Variants in FAR2 observed in about 807,000 individuals in gnomAD.
The protein encoded by FAR2 is fatty acyl-CoA reductase 2, also known as epididymis secretory protein Li 81.
In FAR2, 19 loss-of-function variants were observed where a neutral mutation model predicts 56.0. The ratio of observed to expected loss-of-function variants is 0.34; its 90% CI spans 0.24 to 0.50. FAR2 has a LOEUF of 0.50. Among genes scored for constraint, FAR2 ranks in the 20% least tolerant of loss-of-function variants. The pLI, the probability that FAR2 is intolerant of heterozygous loss-of-function variation, is 0.98. For synonymous variants in FAR2, 219 were observed against 218.8 expected, an observed-to-expected ratio of 1.00 and a Z score of -0.01; for missense variants, 508 against 642.2, an observed-to-expected ratio of 0.79 and a Z score of 2.26.
intron 1 of FAR2, among the ~76,000 whole-genome samples, chr12:29,187,312 G>C (rs1056016695): frequency 6.6e-6 from 1 of 151,840 alleles, no homozygotes; most frequent in Non-Finnish European, 1.5e-5. Context: ...CTAGAGCTCA[G>C]TTATTAAATA....
intron 1 of FAR2, among the ~76,000 whole-genome samples, chr12:29,152,819 G>A (rs995344093): frequency 6.6e-6 from 1 of 152,236 alleles, no homozygotes; most frequent in Non-Finnish European, 1.5e-5. Context: ...TTCCCAAGAA[G>A]AGAATAAAAT....
chr12:29,311,744 G>A (rs1949356759), intron 7 of FAR2, 139 bp from the exon 8 acceptor site: 1 of 591,944 alleles, frequency 1.7e-6, no homozygotes, highest in South Asian at 2.2e-5. Flanking sequence ...GAGAAAGAAT[G>A]AACGATGGAA....
At chr12:29,268,356 C>T (rs768682489) in intron 1 of FAR2, among the ~76,000 whole-genome samples, 1 of 152,216 alleles carries the variant, frequency 6.6e-6, no homozygotes, top group African/African-American at 2.4e-5. Flanking sequence ...GTTCAAAGCT[C>T]TCTGCTGCTG....
At chr12:29,266,373 C>G (rs1489394853) in intron 1 of FAR2, among the ~76,000 whole-genome samples, 1 of 151,970 alleles carries the variant, frequency 6.6e-6, no homozygotes, top group African/African-American at 2.4e-5. Flanking sequence ...AGATGGAGGA[C>G]ATTATATTAA....
intron 8 of FAR2, among the ~76,000 whole-genome samples, chr12:29,315,959 C>T (rs534158226): frequency 7.0e-6 from 1 of 143,272 alleles, no homozygotes; most frequent in African/African-American, 3.0e-5. Context: ...GCTATCAGAA[C>T]CAAATGTTTT....
rs1184898330 is a variant in FAR2, at chr12:29,150,369, C to G, written c.-39+962C>G. Among the ~76,000 whole-genome samples the G allele has an allele frequency of 7.2e-5, 11 of 152,122 alleles. 1 individual carries two copies. Among genetic ancestry groups the G allele is most frequent in the Admixed American group, 6.5e-4 (10 of 15,278 alleles). ...CACTCGTTGAATCACGTAAAGTGCC[C>G]CCATTATGTGATGAGCAAGGACAGA... is the stretch of plus-strand genomic sequence containing the variant. On this transcript the variant is annotated intron_variant, in intron 1 of 11. Coordinates refer to ENST00000536681, the MANE Select transcript of FAR2 (RefSeq NM_001271783.2).
chr12:29,213,120 T>C (rs887031984), intron 1 of FAR2, among the ~76,000 whole-genome samples: 6 of 152,006 alleles, frequency 3.9e-5, no homozygotes, highest in Non-Finnish European at 8.8e-5. Flanking sequence ...CTACAGAATA[T>C]CTCTGCCTTG....
chr12:29,200,933 G>A (rs1299624773), intron 1 of FAR2, among the ~76,000 whole-genome samples: 3 of 152,086 alleles, frequency 2.0e-5, no homozygotes, highest in Non-Finnish European at 4.4e-5. Flanking sequence ...GTCTATAAGC[G>A]GCTCGAACAC....
chr12:29,306,997 G>T (rs1416546732), intron 4 of FAR2, among the ~76,000 whole-genome samples: 1 of 152,158 alleles, frequency 6.6e-6, no homozygotes, highest in Non-Finnish European at 1.5e-5. Flanking sequence ...ACTTTGATTT[G>T]ATTTGCATTG....
intron 1 of FAR2, among the ~76,000 whole-genome samples, chr12:29,168,152 A>G (rs7971179): frequency 0.66 from 99,716 of 150,804 alleles, 34,458 homozygotes; most frequent in Non-Finnish European, 0.76. Context: ...CTGCACAGTT[A>G]GTTTATCCCG....
At chr12:29,291,317 A>C in intron 2 of FAR2, 1 of 448,958 alleles carries the variant, frequency 2.2e-6, no homozygotes, top group South Asian at 1.6e-5. Context: ...TAAGAAATAC[A>C]ATTTCCTAGG....
chr12:29,299,213 C>CAA lies in FAR2; in HGVS notation c.545+2034_545+2035dup, dbSNP rs71042981. Reference sequence around the variant, plus strand: ...GGTCAACAAGAGCAAAACTTTGTCTCAAAAAAAAAAAAAAAAAAAAAAGAA... The same window carrying CAA: ...GGTCAACAAGAGCAAAACTTTGTCTCAAAAAAAAAAAAAAAAAAAAAAAAGAA... On this transcript the variant is annotated intron_variant, in intron 4 of 11. Coordinates refer to ENST00000536681, the MANE Select transcript of FAR2 (RefSeq NM_001271783.2). Among the ~76,000 whole-genome samples, 757 of 103,354 alleles carry CAA rather than the reference C, an allele frequency of 7.3e-3. 8 individuals are homozygous for CAA. Among genetic ancestry groups the CAA allele is most frequent in the African/African-American group, 0.025 (658 of 25,832 alleles). 67.8% of individuals were successfully genotyped at this position (103,354 alleles called of 152,430 possible).
At chr12:29,196,853 A>G (rs920347145) in intron 1 of FAR2, among the ~76,000 whole-genome samples, 2 of 152,194 alleles carry the variant, frequency 1.3e-5, no homozygotes, top group African/African-American at 4.8e-5. Flanking sequence ...TATTTAAACT[A>G]TGCATGTAAC....
chr12:29,258,653 T>A (rs945772047), intron 1 of FAR2, among the ~76,000 whole-genome samples: 1 of 152,196 alleles, frequency 6.6e-6, no homozygotes, highest in Non-Finnish European at 1.5e-5. Context: ...CTTTGAGCCT[T>A]AAAAAAGCCA....
rs1478263539 is a variant in FAR2 at position 29,175,431 on chromosome 12, G to GAC, written c.-39+26024_-39+26025insAC. Among the ~76,000 whole-genome samples, 3 of 152,348 alleles carry GAC rather than the reference G, an allele frequency of 2.0e-5. No individual in the cohort carries two copies. In the East Asian group the frequency reaches 5.8e-4, roughly 29 times the overall value. The stretch of plus-strand genomic sequence containing the variant: ...GCAGACCTTCACGGCAAGTGTTACA[G>GAC]CTCTTAAAGGTGGTGTGGACCCAAA... On this transcript the variant is annotated intron_variant, in intron 1 of 11. Transcript: ENST00000536681.
At chr12:29,241,723 A>G (rs1303712053) in intron 1 of FAR2, among the ~76,000 whole-genome samples, 2 of 152,242 alleles carry the variant, frequency 1.3e-5, no homozygotes, top group Middle Eastern at 3.2e-3. Flanking sequence ...AAACACCTTC[A>G]AAACGAAAAG....
chr12:29,236,182 A>C (rs1347944966), intron 1 of FAR2, among the ~76,000 whole-genome samples: 1 of 152,202 alleles, frequency 6.6e-6, no homozygotes, highest in African/African-American at 2.4e-5. Flanking sequence ...ATTATGTGTC[A>C]ATAAAAACAA....
chr12:29,310,252 T>C (rs1949325305), intron 6 of FAR2, among the ~76,000 whole-genome samples: 1 of 152,238 alleles, frequency 6.6e-6, no homozygotes, highest in Non-Finnish European at 1.5e-5. Context: ...TAAAATGTTC[T>C]AAATTGGTTT....
chr12:29,239,957 T>A (rs184690930), intron 1 of FAR2, among the ~76,000 whole-genome samples: 2 of 152,204 alleles, frequency 1.3e-5, no homozygotes, highest in Admixed American at 1.3e-4. Context: ...AGAACCACTA[T>A]CCAGTCATCT....
Sources: gnomAD v4.1 joint callset for allele counts (sites outside exome capture counted in the v4.1 genomes callset) on GRCh38, gnomAD v4.1.1 for gene constraint, MANE v1.5 for transcripts, NCBI Gene and HGNC (gene_info 2026-07-23, HGNC 2026-07-21) for gene names.